Variants in PCDHA10 observed in about 807,000 individuals in gnomAD.
PCDHA10 encodes protocadherin alpha 10.
A neutral mutation model predicts 61.2 loss-of-function variants in PCDHA10; 45 were observed. The observed-to-expected ratio is 0.74, with a 90% CI of 0.58 to 0.94. PCDHA10 has a LOEUF of 0.94. Among genes scored for constraint, PCDHA10 ranks in the 40% least tolerant of loss-of-function variants. The pLI, the probability that PCDHA10 is intolerant of heterozygous loss-of-function variation, is 0.00. For synonymous variants in PCDHA10, 602 were observed against 548.8 expected, an observed-to-expected ratio of 1.10 and a Z score of -1.35; for missense variants, 1,278 against 1,236.2, an observed-to-expected ratio of 1.03 and a Z score of -0.51.
intron 1 of PCDHA10, among the ~76,000 whole-genome samples, chr5:140,915,068 ACTGAGTAG>A (rs2076964271): frequency 1.3e-5 from 2 of 150,322 alleles, no homozygotes; most frequent in South Asian, 4.2e-4. Context: ...GCCTTAGCCT[ACTGAGTAG>A]CTGGGACTAT....
At chr5:140,942,821 G>A (rs2093373988) in intron 1 of PCDHA10, among the ~76,000 whole-genome samples, 1 of 151,968 alleles carries the variant, frequency 6.6e-6, no homozygotes, top group African/African-American at 2.4e-5. Flanking sequence ...GTTGGATTTG[G>A]CCCTGTGTCA....
intron 3 of PCDHA10, among the ~76,000 whole-genome samples, chr5:140,990,648 A>G (rs2097404919): frequency 2.0e-5 from 3 of 152,220 alleles, no homozygotes; most frequent in Admixed American, 1.3e-4. Flanking sequence ...CTCAGCCAGT[A>G]TGAATGATTT....
At chr5:140,999,521 T>C (rs1554256849) in intron 3 of PCDHA10, among the ~76,000 whole-genome samples, 1 of 152,106 alleles carries the variant, frequency 6.6e-6, no homozygotes, top group Non-Finnish European at 1.5e-5. Flanking sequence ...AGCATTTTGT[T>C]ACCCCCTGGA....
chr5:140,985,498 C>G (rs540282855), intron 3 of PCDHA10, among the ~76,000 whole-genome samples: 2 of 152,274 alleles, frequency 1.3e-5, no homozygotes, highest in African/African-American at 4.8e-5. Flanking sequence ...ATAGAGCCTG[C>G]CTTTCATTGA....
intron 1 of PCDHA10, chr5:140,968,976 A>G (rs1410286561): frequency 2.5e-6 from 4 of 1,614,074 alleles, no homozygotes; most frequent in African/African-American, 1.3e-5. Flanking sequence ...TACACTGCGT[A>G]TGGCACTGCA....
chr5:140,877,764 G>A, intron 1 of PCDHA10: 2 of 1,614,160 alleles, frequency 1.2e-6, no homozygotes, highest in Non-Finnish European at 1.7e-6. Context: ...CAGAGAGCCC[G>A]CCCAAGACGG....
In PCDHA10 at chr5:140,857,592, A is replaced by G. The variant is rs782473553; in HGVS notation, c.1544A>G (p.Lys515Arg). Residue 515 changes from lysine to arginine, a missense_variant, in exon 1 of 4, where the codon AAG (lysine) becomes AGG (arginine). Coordinates refer to ENST00000307360, the MANE Select transcript of PCDHA10 (RefSeq NM_018901.4). ...SYVSVHAESG[K>R]VYALQPLDHE... ...GTGTCGGTGCACGCGGAGAGCGGCA[A>G]GGTGTACGCGCTGCAGCCGCTGGAC... 5 of 1,596,098 alleles carry G rather than the reference A, an allele frequency of 3.1e-6. No individual in the cohort carries two copies. In the African/African-American group the frequency reaches 6.7e-5, roughly 21 times the overall value.
intron 1 of PCDHA10, chr5:140,882,107 A>C: frequency 7.3e-7 from 1 of 1,367,220 alleles, no homozygotes; most frequent in Non-Finnish European, 9.8e-7. Flanking sequence ...TTCCGCGAAG[A>C]AAGCCGCCGT....
intron 1 of PCDHA10, chr5:140,926,987 G>T: frequency 6.2e-7 from 1 of 1,610,996 alleles, no homozygotes; most frequent in African/African-American, 1.3e-5. Context: ...GAGACGGAGC[G>T]GGGCGTAGCC....
At chr5:140,968,560 C>T (rs782202250) in intron 1 of PCDHA10, 2 of 1,614,154 alleles carry the variant, frequency 1.2e-6, no homozygotes, top group Admixed American at 1.7e-5. Context: ...CTCGAACTGC[C>T]CCTGCTGGCT....
At position 140,858,448 on chromosome 5, in the gene PCDHA10, C is replaced by G. The variant is rs1554151646; in HGVS notation, c.2388+12C>G. The G allele has an allele frequency of 1.3e-6, 2 of 1,532,196 alleles. 1 individual carries two copies. The highest frequency in any genetic ancestry group is 2.8e-5 in the African/African-American group (2 of 72,594). 94.9% of individuals were successfully genotyped at this position (1,532,196 alleles called of 1,614,324 possible). ...ACCACTCTAGGAAGGTGGGTTATTA[C>G]GTTTTCATTTTCCTTTTGTGCTTTA... On this transcript the variant is annotated intron_variant, in intron 1 of 3. Transcript: ENST00000307360.
At chr5:140,909,907 A>C (rs1554194005) in intron 1 of PCDHA10, among the ~76,000 whole-genome samples, 1 of 152,168 alleles carries the variant, frequency 6.6e-6, no homozygotes, top group African/African-American at 2.4e-5. Flanking sequence ...CTGAAATGGC[A>C]ATCATTTCCC....
chr5:140,924,902 AAAATAAAAT>A (rs1211271652), intron 1 of PCDHA10, among the ~76,000 whole-genome samples: 3 of 39,024 alleles, frequency 7.7e-5, no homozygotes, highest in African/African-American at 2.3e-4. Context: ...CTCAAAAAAA[AAAATAAAAT>A]AAAATAAAAT....
intron 1 of PCDHA10, chr5:140,875,959 G>C (rs1448292250): frequency 5.0e-6 from 8 of 1,614,070 alleles, no homozygotes; most frequent in South Asian, 2.2e-5. Context: ...TGCGGATATC[G>C]GCGTAAACTC....
chr5:140,857,677 T>C lies in PCDHA10; in HGVS notation c.1629T>C (p.Pro543=), dbSNP rs377237803. 36 of 1,596,766 alleles carry C rather than the reference T, an allele frequency of 2.3e-5. 2 individuals carry two copies. In the African/African-American group the frequency reaches 4.6e-4, roughly 20 times the overall value. The change falls in exon 1 of 4, where the codon CCT becomes CCC. Residue 543 remains proline, a synonymous_variant. Transcript: ENST00000307360. ...GCGCGCGCGATGGGGGCGTGCCGCC[T>C]CTGGGCAGCAACTTGACGCTGCAGG... ...QVSARDGGVP[P]LGSNLTLQVF...
intron 1 of PCDHA10, among the ~76,000 whole-genome samples, chr5:140,924,841 G>C (rs891279703): frequency 1.1e-4 from 17 of 151,378 alleles, no homozygotes; most frequent in South Asian, 2.1e-4. Context: ...GTTGCAGGGA[G>C]CTCAGATCGT....
At position 140,856,156 on chromosome 5, in the gene PCDHA10, G is replaced by A; in HGVS notation, c.108G>A (p.Glu36=). 6.3e-7 allele frequency: 1 copy of A among 1,598,364 alleles called. No homozygotes were observed. Among genetic ancestry groups the A allele is most frequent in the Non-Finnish European group, 8.6e-7 (1 of 1,167,880 alleles). ...GCCAGCTCCACTACTCAGTCTACGA[G>A]GAGGCCAGACACGGCACCTTCGTGG... is the stretch of plus-strand genomic sequence containing the variant. ...GSGQLHYSVY[E]EARHGTFVGR... is the part of the protein sequence containing the mutation. The change falls in exon 1 of 4, where the codon GAG becomes GAA. Residue 36 remains glutamate, a synonymous_variant. Coordinates refer to ENST00000307360, the MANE Select transcript of PCDHA10 (RefSeq NM_018901.4).
intron 1 of PCDHA10, chr5:140,968,375 T>G: frequency 6.2e-7 from 1 of 1,614,098 alleles, no homozygotes; most frequent in Non-Finnish European, 8.5e-7. Context: ...TGTCAACTCC[T>G]TTGACTATGA....
At chr5:140,893,593 T>C (rs1433494751) in intron 1 of PCDHA10, among the ~76,000 whole-genome samples, 5 of 152,244 alleles carry the variant, frequency 3.3e-5, no homozygotes, top group African/African-American at 1.2e-4. Context: ...TGGGAAATAC[T>C]TTATTTCTCC....
Sources: allele counts gnomAD v4.1 joint callset (sites outside exome capture counted in the v4.1 genomes callset), GRCh38; gene constraint gnomAD v4.1.1; transcripts MANE v1.5; gene names NCBI Gene and HGNC (gene_info 2026-07-23, HGNC 2026-07-21).